TCF3: variants seen among roughly 807,000 people sequenced by gnomAD.
The protein encoded by TCF3 is transcription factor E2-alpha.
A neutral mutation model predicts 72.3 loss-of-function variants in TCF3; 54 were observed. The observed-to-expected ratio is 0.75, with a 90% CI of 0.60 to 0.94. TCF3 has a LOEUF of 0.94. Among genes scored for constraint, TCF3 ranks in the 40% least tolerant of loss-of-function variants. The pLI is 0.00. For missense variants in TCF3, 1,078 were observed against 934.4 expected (o/e 1.15, Z -2.00); for synonymous variants, 525 against 412.6 (o/e 1.27, Z -3.30).
At chr19:1,626,638 G>A (rs767588118) in intron 6 of TCF3, among the ~76,000 whole-genome samples, 2 of 152,140 alleles carry the variant, frequency 1.3e-5, no homozygotes, top group South Asian at 2.1e-4. Context: ...TCTGCTTCTC[G>A]GATGGGGAGC....
At chr19:1,651,874 C>T (rs1435547090) in intron 1 of TCF3, among the ~76,000 whole-genome samples, 2 of 149,832 alleles carry the variant, frequency 1.3e-5, no homozygotes, top group African/African-American at 4.9e-5. Flanking sequence ...AAAAGGACGT[C>T]CCTCCCGCGC....
intron 2 of TCF3, among the ~76,000 whole-genome samples, chr19:1,648,978 C>T (rs956501066): frequency 6.6e-6 from 1 of 152,222 alleles, no homozygotes; most frequent in Non-Finnish European, 1.5e-5. Context: ...GCGGCCGGTA[C>T]CCCAGGGGGC....
chr19:1,638,059 C>A (rs1314928144), intron 3 of TCF3, among the ~76,000 whole-genome samples: 1 of 152,170 alleles, frequency 6.6e-6, no homozygotes, highest in East Asian at 1.9e-4. Context: ...AATGGCAGAG[C>A]CTGGGGGTTC....
rs1457813163 is a variant in TCF3, at chr19:1,632,404, A to G, written c.147T>C (p.Gly49=). The G allele has an allele frequency of 6.3e-7, 1 of 1,591,150 alleles. No individual in the cohort carries two copies. The highest frequency in any genetic ancestry group is 2.3e-5 in the East Asian group (1 of 44,050). Residue 49 remains glycine (G), a splice_region_variant and synonymous_variant, in exon 4 of 19, where the codon GGT becomes GGC. Transcript: ENST00000262965. ...AGCCTGAGCTGGGCCGGTCCTCAAG[A>G]CCTGCAGGCAGGACAGAGAGAGTTA... The part of the protein sequence containing the change: ...SLAGAQFGGS[G]LEDRPSSGSW...
intron 16 of TCF3, among the ~76,000 whole-genome samples, chr19:1,618,645 C>T (rs1377393620): frequency 6.6e-6 from 1 of 152,160 alleles, no homozygotes; most frequent in Non-Finnish European, 1.5e-5. Context: ...CCTCCAGGTA[C>T]TTGCCTACTC....
At chr19:1,620,640 C>T (rs933004344) in intron 13 of TCF3, among the ~76,000 whole-genome samples, 7 of 152,192 alleles carry the variant, frequency 4.6e-5, no homozygotes, top group South Asian at 2.1e-4. Flanking sequence ...CTAACCTGGA[C>T]GCCACCTCCC....
Position 1,627,399 on chromosome 19 carries a change from G to A in TCF3, c.326C>T (p.Ala109Val), listed in dbSNP as rs778048649. 1.9e-6 allele frequency: 3 copies of A among 1,612,030 alleles called. No individual in the cohort carries two copies. The highest frequency in any genetic ancestry group is 1.7e-6 in the Non-Finnish European group (2 of 1,179,728). Reference protein sequence around the residue: ...GGKSGERGAYASFGRDAGVGG... With the variant: ...GGKSGERGAYVSFGRDAGVGG... ...CACGCCTGCGTCTCTCCCGAAGGAG[G>A]CATAGGCGCCCCGCTCACCGCTCTT... Residue 109 changes from alanine (A) to valine (V), a missense_variant, in exon 6 of 19, where the codon GCC becomes GTC. Physicochemically the swap from Ala to Val is moderately conservative, Grantham distance 64 (BLOSUM62 0). Coordinates refer to ENST00000262965, the MANE Select transcript of TCF3 (RefSeq NM_003200.5).
chr19:1,611,933 G>T (rs557730083), intron 18 of TCF3, 84 bp from the exon 19 acceptor site: 18 of 220,688 alleles, frequency 8.2e-5, no homozygotes, highest in Non-Finnish European at 1.4e-4. Flanking sequence ...AGGATGTCGG[G>T]GGGGGGGGTG....
chr19:1,626,483 A>G (rs536700613), intron 6 of TCF3, among the ~76,000 whole-genome samples: 1 of 151,012 alleles, frequency 6.6e-6, no homozygotes, highest in Non-Finnish European at 1.5e-5. Context: ...TTCTATCATC[A>G]TCCAGTGGCC....
chr19:1,621,901 C>G lies in TCF3; in HGVS notation c.892G>C (p.Gly298Arg), dbSNP rs780652877. ...PSASSFSSAPGATYGGVSSHT... is the reference protein window; with the variant it reads ...PSASSFSSAPRATYGGVSSHT... ...CTGGAGACGCCGCCGTACGTGGCTC[C>G]GGGGGCTGAGGAGAAGGAGGATGCA... is the stretch of plus-strand genomic sequence containing the variant. The change falls in exon 11 of 19, where the codon GGA (glycine) becomes CGA (arginine). Residue 298 changes from glycine to arginine, a missense_variant. Physicochemically the swap from Gly to Arg is moderately radical, Grantham distance 125. Coordinates refer to ENST00000262965, the MANE Select transcript of TCF3 (RefSeq NM_003200.5). 18 of 1,599,350 alleles carry G rather than the reference C, an allele frequency of 1.1e-5. No individual in the cohort carries two copies. Among genetic ancestry groups the G allele is most frequent in the Non-Finnish European group, 1.2e-5 (14 of 1,174,626 alleles).
At chr19:1,618,143 C>G in intron 16 of TCF3, among the ~76,000 whole-genome samples, 1 of 152,112 alleles carries the variant, frequency 6.6e-6, no homozygotes, top group East Asian at 1.9e-4. Context: ...TCCTTTGTCC[C>G]CTTCCTTACG....
chr19:1,647,519 C>G (rs866321639), intron 2 of TCF3, among the ~76,000 whole-genome samples: 5 of 152,218 alleles, frequency 3.3e-5, no homozygotes, highest in African/African-American at 1.2e-4. Flanking sequence ...ACGGAGGCCG[C>G]ATTCTCACCT....
At chr19:1,620,851 G>T in intron 13 of TCF3, 117 bp downstream of exon 13, 1 of 1,054,544 alleles carries the variant, frequency 9.5e-7, no homozygotes, top group Non-Finnish European at 1.3e-6. Context: ...ATCCCAGCAA[G>T]GTGCAGACAC....
chr19:1,619,262 A>AGG, intron 15 of TCF3, 28 bp from the exon 16 acceptor site: 1 of 1,577,380 alleles, frequency 6.3e-7, no homozygotes, highest in Non-Finnish European at 8.6e-7. Flanking sequence ...CGGGTGCATC[A>AGG]GGGGGAGCCG....
intron 2 of TCF3, among the ~76,000 whole-genome samples, chr19:1,647,121 C>A (rs1345686217): frequency 6.6e-6 from 1 of 152,218 alleles, no homozygotes; most frequent in Non-Finnish European, 1.5e-5. Context: ...CACAGCTGAT[C>A]CAGCTCCTGG....
chr19:1,631,711 C>A (rs557756752), intron 5 of TCF3, among the ~76,000 whole-genome samples: 1 of 152,210 alleles, frequency 6.6e-6, no homozygotes, highest in Non-Finnish European at 1.5e-5. Context: ...TCCTTCCCAG[C>A]GGGCACAGGC....
chr19:1,641,367 A>G (rs2065220248), intron 3 of TCF3, among the ~76,000 whole-genome samples: 1 of 152,310 alleles, frequency 6.6e-6, no homozygotes, highest in Admixed American at 6.5e-5. Flanking sequence ...ATGTAATCAC[A>G]GCACTCTGGG....
Position 1,622,421 on chromosome 19 carries a change from GGCGGGTGGGCGGT to G in TCF3, c.550-19_550-7del. 1 of 1,409,706 alleles carries G rather than the reference GGCGGGTGGGCGGT, an allele frequency of 7.1e-7. No homozygotes were observed. Among genetic ancestry groups the G allele is most frequent in the Non-Finnish European group, 9.4e-7 (1 of 1,062,268 alleles). 87.3% of individuals were successfully genotyped at this position (1,409,706 alleles called of 1,614,324 possible). A position where few individuals can be genotyped will look rare whatever the true frequency, so the allele number is the denominator to read the frequency against. ...CCTGAGCTGGGTGGGTACACCTGCG[GGCGGGTGGGCGGT>G]GGGGGGTGCAGTCAGGACGGAGGGA... On this transcript the variant is annotated splice_region_variant and splice_polypyrimidine_tract_variant and intron_variant, in intron 8 of 18. Transcript: ENST00000262965.
intron 2 of TCF3, among the ~76,000 whole-genome samples, chr19:1,649,613 G>A (rs1255133394): frequency 1.3e-5 from 2 of 151,962 alleles, no homozygotes; most frequent in Non-Finnish European, 2.9e-5. Context: ...TGAGAAATGG[G>A]GCCTCACTAT....
Sources: allele counts gnomAD v4.1 joint callset (sites outside exome capture counted in the v4.1 genomes callset), GRCh38; gene constraint gnomAD v4.1.1; transcripts MANE v1.5; gene names NCBI Gene and HGNC (gene_info 2026-07-23, HGNC 2026-07-21).